The following BCR variants were observed in gnomAD, a reference collection of about 807,000 sequenced individuals.
BCR encodes BCR activator of RhoGEF and GTPase.
In BCR, 58 loss-of-function variants were observed where a neutral mutation model predicts 138.6. The ratio of observed to expected loss-of-function variants is 0.42; its 90% CI spans 0.34 to 0.52. The LOEUF (loss-of-function observed/expected upper bound fraction) is 0.52, where lower values mean the gene tolerates loss of function less well. BCR is among the 20% of genes least tolerant of loss of function. The probability of loss-of-function intolerance (pLI) is 0.06; values close to 1 mark genes in which losing one functional copy is unlikely to be tolerated. For missense variants in BCR, 1,599 were observed against 1,727.2 expected, an observed-to-expected ratio of 0.93 and a Z score of 1.32; for synonymous variants, 786 against 730.1, an observed-to-expected ratio of 1.08 and a Z score of -1.23.
At chr22:23,243,930 C>T (rs141745089) in intron 1 of BCR, among the ~76,000 whole-genome samples, 116 of 152,282 alleles carry the variant, frequency 7.6e-4, no homozygotes, top group African/African-American at 2.6e-3. Flanking sequence ...GCATGAGCCA[C>T]CGTGCCCGGC....
intron 1 of BCR, among the ~76,000 whole-genome samples, chr22:23,203,356 C>A (rs1486650205): frequency 6.6e-6 from 1 of 152,168 alleles, no homozygotes; most frequent in East Asian, 1.9e-4. Context: ...TTCTTGCCTC[C>A]TTCTGTTCAC....
Position 23,289,562 on chromosome 22 carries a change from C to T in BCR, c.2648C>T (p.Thr883Ile). The T allele has an allele frequency of 6.2e-7, 1 of 1,614,246 alleles. No homozygotes were observed. Among genetic ancestry groups the T allele is most frequent in the Non-Finnish European group, 8.5e-7 (1 of 1,180,046 alleles). Residue 883 changes from threonine (T) to isoleucine (I), a missense_variant, in exon 13 of 23, where the codon ACC (threonine) becomes ATC (isoleucine). Physicochemically the swap from Thr to Ile is moderately conservative, Grantham distance 89. This residue lies in a region of BCR where 590 missense variants were observed against 762.4 expected (regional missense o/e 0.77). Transcript: ENST00000305877. ...SLTSVELQML[T>I]NSCVKLQTVH... Reference sequence around the variant, plus strand: ...ACATCCGTGGAGCTGCAGATGCTGACCAACTCGTGTGTGAAACTCCAGACT... The same window carrying T: ...ACATCCGTGGAGCTGCAGATGCTGATCAACTCGTGTGTGAAACTCCAGACT...
intron 16 of BCR, among the ~76,000 whole-genome samples, chr22:23,300,739 C>G (rs965560730): frequency 6.6e-6 from 1 of 152,182 alleles, no homozygotes; most frequent in African/African-American, 2.4e-5. Flanking sequence ...CCCACATAAC[C>G]CAGGCTGGCA....
At chr22:23,265,420 G>A (rs1398092009) in intron 4 of BCR, among the ~76,000 whole-genome samples, 4 of 152,310 alleles carry the variant, frequency 2.6e-5, no homozygotes, top group Non-Finnish European at 4.4e-5. Flanking sequence ...TCAGGTTTCC[G>A]GGTTGGACAA....
Position 23,307,256 on chromosome 22 carries a change from T to G in BCR, c.3013-2168T>G, listed in dbSNP as rs1336755291. 9.3e-5 allele frequency among the ~76,000 whole-genome samples: 14 copies of G among 150,910 alleles called. No homozygotes were observed. The Admixed American group carries it at 9.3e-4, about 10-fold the overall frequency. On this transcript the variant is annotated intron_variant, in intron 16 of 22. Coordinates refer to ENST00000305877, the MANE Select transcript of BCR (RefSeq NM_004327.4). ...GACTGCAGGCACATGCCACCATGCTTGGCTAATGCTTTTGAAAATTTTTTT... is the reference window on the plus strand; with the variant it reads ...GACTGCAGGCACATGCCACCATGCTGGGCTAATGCTTTTGAAAATTTTTTT...
intron 7 of BCR, among the ~76,000 whole-genome samples, chr22:23,273,339 C>T (rs1443250576): frequency 2.6e-5 from 4 of 152,168 alleles, no homozygotes; most frequent in Non-Finnish European, 5.9e-5. Flanking sequence ...AGTTACTCCA[C>T]GCAAAATGTC....
At chr22:23,185,332 TG>T (rs776746296) in intron 1 of BCR, among the ~76,000 whole-genome samples, 4 of 151,984 alleles carry the variant, frequency 2.6e-5, no homozygotes, top group Non-Finnish European at 4.4e-5. Context: ...GGCCCGCCTG[TG>T]GGGGTAATGA....
intron 1 of BCR, among the ~76,000 whole-genome samples, chr22:23,205,658 T>TG (rs2146213704): frequency 6.6e-6 from 1 of 152,156 alleles, no homozygotes; most frequent in African/African-American, 2.4e-5. Flanking sequence ...TTTTTTTTTT[T>TG]TTTACTTTAC....
chr22:23,205,642 ATTTTTTT>A, intron 1 of BCR, among the ~76,000 whole-genome samples: 1 of 144,084 alleles, frequency 6.9e-6, no homozygotes, highest in Non-Finnish European at 1.5e-5. Flanking sequence ...TGAACCAATA[ATTTTTTT>A]TTTTTTTTTT....
chr22:23,289,803 C>T, intron 13 of BCR, 182 bp downstream of exon 13: 1 of 611,614 alleles, frequency 1.6e-6, no homozygotes, highest in South Asian at 2.0e-5. Flanking sequence ...GGGTTAGGAG[C>T]AGTTTCTCCC....
intron 8 of BCR, among the ~76,000 whole-genome samples, chr22:23,278,797 G>A (rs2073608754): frequency 6.6e-6 from 1 of 152,208 alleles, no homozygotes; most frequent in African/African-American, 2.4e-5. Flanking sequence ...TGCAAGGGGT[G>A]CTACGGAGAG....
intron 4 of BCR, chr22:23,262,683 G>T: frequency 1.5e-6 from 1 of 674,880 alleles, no homozygotes; most frequent in Non-Finnish European, 1.8e-6. Context: ...GTGTGGGGCC[G>T]CCGGGAATGG....
chr22:23,228,018 C>T (rs960494084), intron 1 of BCR, among the ~76,000 whole-genome samples: 3 of 152,154 alleles, frequency 2.0e-5, no homozygotes, highest in South Asian at 2.1e-4. Context: ...CAGAGTTGTT[C>T]GCAGTATTTC....
At chr22:23,256,482 G>A (rs2073296543) in intron 2 of BCR, among the ~76,000 whole-genome samples, 1 of 152,154 alleles carries the variant, frequency 6.6e-6, no homozygotes, top group Non-Finnish European at 1.5e-5. Context: ...TTGCCCTCTG[G>A]TATGCCTTGA....
chr22:23,236,880 C>A (rs1191295943), intron 1 of BCR, among the ~76,000 whole-genome samples: 1 of 152,112 alleles, frequency 6.6e-6, no homozygotes, highest in Admixed American at 6.5e-5. Flanking sequence ...TGAATAGTAC[C>A]CGAGTCAGTT....
At chr22:23,285,225 C>T (rs754464963) in intron 10 of BCR, 24 bp downstream of exon 10, 47 of 1,599,050 alleles carry the variant, frequency 2.9e-5, no homozygotes, top group African/African-American at 2.7e-5. Context: ...GAGCAAGGGC[C>T]GGGTTTGGTG....
Position 23,235,581 on chromosome 22 carries a change from A to G in BCR, c.1280-18218A>G, listed in dbSNP as rs113667071. On this transcript the variant is annotated intron_variant, in intron 1 of 22. Transcript: ENST00000305877. Reference sequence around the variant, plus strand: ...ACTGCAGAGAGGAAGGGACATGTTTATGTCCCAGGTGAGTCATGGAATCTC... The same window carrying G: ...ACTGCAGAGAGGAAGGGACATGTTTGTGTCCCAGGTGAGTCATGGAATCTC... Among the ~76,000 whole-genome samples the G allele has an allele frequency of 4.7e-5, 5 of 106,602 alleles. No homozygotes were observed. In the East Asian group the frequency reaches 8.5e-4, roughly 18 times the overall value. 69.9% of individuals were successfully genotyped at this position (106,602 alleles called of 152,430 possible). A position where few individuals can be genotyped will look rare whatever the true frequency, so the allele number is the denominator to read the frequency against.
At chr22:23,314,886 A>G (rs1407437655) in intron 22 of BCR, among the ~76,000 whole-genome samples, 172 bp downstream of exon 22, 45 of 152,370 alleles carry the variant, frequency 3.0e-4, no homozygotes, top group East Asian at 3.9e-4. Context: ...GTGGGGGCCC[A>G]GGCCACCTCC....
At chr22:23,201,750 C>G in intron 1 of BCR, among the ~76,000 whole-genome samples, 1 of 152,148 alleles carries the variant, frequency 6.6e-6, no homozygotes, top group Non-Finnish European at 1.5e-5. Flanking sequence ...CCACCGCGCC[C>G]GGCCAAGTCT....
Sources: allele counts gnomAD v4.1 joint callset (sites outside exome capture counted in the v4.1 genomes callset), GRCh38; gene constraint gnomAD v4.1.1; regional missense constraint gnomAD v4.1.1; transcripts MANE v1.5; gene names NCBI Gene and HGNC (gene_info 2026-07-23, HGNC 2026-07-21).